The following TMCO4 variants were observed in gnomAD, a reference collection of about 807,000 sequenced individuals.
TMCO4 encodes the protein transmembrane and coiled-coil domain-containing protein 4.
TMCO4 carries 58 observed loss-of-function variants against 64.7 expected under a neutral mutation model. That is an observed-to-expected ratio of 0.90 (90% CI 0.73 to 1.12). TMCO4 has a LOEUF of 1.12. Among genes scored for constraint, TMCO4 ranks in the 50% most tolerant of loss-of-function variants. The probability of loss-of-function intolerance (pLI) is 0.00; values close to 1 mark genes in which losing one functional copy is unlikely to be tolerated. For synonymous variants in TMCO4, 325 were observed against 346.1 expected (o/e 0.94, Z 0.68); for missense variants, 780 against 825.9 (o/e 0.94, Z 0.68).
chr1:19,777,074 A>G (rs975697366), intron 4 of TMCO4, among the ~76,000 whole-genome samples: 1 of 150,320 alleles, frequency 6.7e-6, no homozygotes, highest in Non-Finnish European at 1.5e-5. Flanking sequence ...AAAAGCCTCT[A>G]TTTGTTCCCA....
At position 19,771,342 on chromosome 1, in the gene TMCO4, G is replaced by C. The variant is rs765025975; in HGVS notation, c.320C>G (p.Pro107Arg). 6.2e-7 allele frequency: 1 copy of C among 1,614,154 alleles called. No homozygotes were observed. Among genetic ancestry groups the C allele is most frequent in the Non-Finnish European group, 8.5e-7 (1 of 1,180,022 alleles). The change falls in exon 5 of 16, where the codon CCC becomes CGC. Residue 107 changes from proline (P) to arginine (R), a missense_variant. Transcript: ENST00000294543. ...DVFVQILLKD[P>R]ILKDDPTVIT... ...CACCGTCGGGTCGTCCTTCAAGATG[G>C]GGTCCTTCAGTAAAATTTGAACAAA...
rs140961827 is a variant in TMCO4 at position 19,743,263 on chromosome 1, T to G, written c.877+2269A>C. On this transcript the variant is annotated intron_variant, in intron 10 of 15. Coordinates refer to ENST00000294543, the MANE Select transcript of TMCO4 (RefSeq NM_181719.7). This position sits in a 1 kb window ranked among gnomAD's most constrained non-coding sequence, Gnocchi z 4.1. ...AAAGGGGAGTGCGAATGACAGCCACTTCCCTGGACTGAAGTGAGGAGCTAA... is the reference window on the plus strand; with the variant it reads ...AAAGGGGAGTGCGAATGACAGCCACGTCCCTGGACTGAAGTGAGGAGCTAA... Among the ~76,000 whole-genome samples, 3,083 of 152,094 alleles carry G rather than the reference T, an allele frequency of 0.02. 62 individuals carry two copies. Among genetic ancestry groups the G allele is most frequent in the East Asian group, 0.056 (287 of 5,146 alleles).
intron 9 of TMCO4, 67 bp from the exon 10 acceptor site, chr1:19,745,718 T>C (rs1294392662): frequency 1.3e-6 from 2 of 1,544,094 alleles, no homozygotes; most frequent in African/African-American, 1.4e-5. Flanking sequence ...AGGGTGGCTG[T>C]ATGTTCTCAC....
Position 19,770,688 on chromosome 1 carries a change from A to G in TMCO4, c.355-119T>C, listed in dbSNP as rs951474127. The G allele has an allele frequency of 8.0e-6, 8 of 997,912 alleles. No individual in the cohort carries two copies. In the Admixed American group the frequency reaches 9.6e-5, roughly 12 times the overall value. The allele number at this position is 997,912 out of a possible 1,614,324, so 61.8% of individuals were successfully genotyped here. A position where few individuals can be genotyped will look rare whatever the true frequency, so the allele number is the denominator to read the frequency against. On this transcript the variant is annotated intron_variant, in intron 5 of 15. Transcript: ENST00000294543. Reference sequence around the variant, plus strand: ...AAGACAGACAAAAAGCCACTGCCCTAGATTCTAGACGTGAGCCAGATGATA... The same window carrying G: ...AAGACAGACAAAAAGCCACTGCCCTGGATTCTAGACGTGAGCCAGATGATA...
At chr1:19,764,645 G>A (rs2042649429) in intron 6 of TMCO4, among the ~76,000 whole-genome samples, 1 of 152,126 alleles carries the variant, frequency 6.6e-6, no homozygotes, top group Non-Finnish European at 1.5e-5. Context: ...GGCAGGTCAG[G>A]AGTTCGAGAC....
At chr1:19,756,039 G>C (rs1379472053) in intron 6 of TMCO4, among the ~76,000 whole-genome samples, 1 of 152,096 alleles carries the variant, frequency 6.6e-6, no homozygotes, top group African/African-American at 2.4e-5. Context: ...TTGAGTCCAG[G>C]AGTTCAAGAC....
chr1:19,740,132 T>C (rs1196732022), intron 11 of TMCO4, among the ~76,000 whole-genome samples, 172 bp from the exon 12 acceptor site: 1 of 152,172 alleles, frequency 6.6e-6, no homozygotes, highest in Non-Finnish European at 1.5e-5. Flanking sequence ...GAATTTCTGA[T>C]ATATGGACTC....
chr1:19,696,237 G>A (rs1173186046), intron 14 of TMCO4, among the ~76,000 whole-genome samples: 7 of 152,176 alleles, frequency 4.6e-5, no homozygotes, highest in Non-Finnish European at 1.0e-4. Context: ...AATATTGAGG[G>A]TCCAAGAAGC....
intron 6 of TMCO4, among the ~76,000 whole-genome samples, chr1:19,767,651 T>C (rs2042794530): frequency 6.6e-6 from 1 of 152,150 alleles, no homozygotes; most frequent in Non-Finnish European, 1.5e-5. Flanking sequence ...GCTGCTTCTC[T>C]TTCTACTTGA....
intron 6 of TMCO4, among the ~76,000 whole-genome samples, chr1:19,767,308 T>G (rs898973630): frequency 1.3e-5 from 2 of 152,146 alleles, no homozygotes; most frequent in African/African-American, 4.8e-5. Flanking sequence ...AAGAGCCAGG[T>G]AAGGTCACCA....
intron 15 of TMCO4, among the ~76,000 whole-genome samples, chr1:19,692,958 G>A: frequency 6.6e-6 from 1 of 151,254 alleles, no homozygotes; most frequent in South Asian, 2.1e-4. Flanking sequence ...GATTGCTTGA[G>A]CTCAGGGGTT....
intron 6 of TMCO4, among the ~76,000 whole-genome samples, chr1:19,769,510 A>T (rs925813951): frequency 3.3e-5 from 5 of 152,082 alleles, no homozygotes; most frequent in Admixed American, 3.3e-4. Context: ...TTCCACTAGG[A>T]GGGTTCCAGT....
intron 14 of TMCO4, among the ~76,000 whole-genome samples, chr1:19,699,484 TAC>T (rs1052295046): frequency 6.0e-5 from 7 of 117,384 alleles, no homozygotes; most frequent in East Asian, 2.7e-4. Context: ...CTTTTTCATA[TAC>T]ATATATATAT....
intron 13 of TMCO4, among the ~76,000 whole-genome samples, chr1:19,704,358 T>A (rs2095291150): frequency 6.6e-6 from 1 of 152,146 alleles, no homozygotes; most frequent in Non-Finnish European, 1.5e-5. Flanking sequence ...CCCTTAGAGA[T>A]CAACGCGATT....
intron 4 of TMCO4, among the ~76,000 whole-genome samples, chr1:19,773,289 C>T (rs2043066522): frequency 6.6e-6 from 1 of 152,138 alleles, no homozygotes; most frequent in South Asian, 2.1e-4. Flanking sequence ...TTAGGGCTCC[C>T]CTTGGGATCA....
Position 19,691,061 on chromosome 1 carries a change from A to G in TMCO4, c.1500+3373T>C, listed in dbSNP as rs551624795. On this transcript the variant is annotated intron_variant, in intron 15 of 15. Transcript: ENST00000294543. ...TTTTTTGTATTTTTAGTAGAGACGG[A>G]GTTTCACTGTGTTAGCCAGGATGGT... Among the ~76,000 whole-genome samples the G allele has an allele frequency of 7.8e-4, 119 of 151,766 alleles. 2 individuals are homozygous for G. The highest frequency in any genetic ancestry group is 3.5e-3 in the Admixed American group (54 of 15,214).
At chr1:19,794,557 G>C (rs2044209111) in intron 2 of TMCO4, among the ~76,000 whole-genome samples, 1 of 152,202 alleles carries the variant, frequency 6.6e-6, no homozygotes, top group African/African-American at 2.4e-5. Context: ...CAGAGCCCCA[G>C]AGTGACGGGC....
At chr1:19,688,657 C>T (rs1409613656) in intron 15 of TMCO4, among the ~76,000 whole-genome samples, 1 of 152,160 alleles carries the variant, frequency 6.6e-6, no homozygotes, top group Admixed American at 6.5e-5. Flanking sequence ...GGTTAACAGC[C>T]CAGGTTCATC....
chr1:19,768,482 G>C (rs1030069791), intron 6 of TMCO4, among the ~76,000 whole-genome samples: 1 of 152,130 alleles, frequency 6.6e-6, no homozygotes, highest in African/African-American at 2.4e-5. Flanking sequence ...AGACTGCCTG[G>C]CCCTGGAAAT....
Sources: allele counts gnomAD v4.1 joint callset (sites outside exome capture counted in the v4.1 genomes callset), GRCh38; gene constraint gnomAD v4.1.1; non-coding constraint Gnocchi (gnomAD v3.1); transcripts MANE v1.5; gene names NCBI Gene and HGNC (gene_info 2026-07-23, HGNC 2026-07-21).